The following DCAF5 variants were observed in gnomAD, a reference collection of about 807,000 sequenced individuals.
The protein encoded by DCAF5 is DDB1 and CUL4 associated factor 5.
A neutral mutation model predicts 80.7 loss-of-function variants in DCAF5; 9 were observed. That is an observed-to-expected ratio of 0.11 (90% CI 0.07 to 0.19). The LOEUF (loss-of-function observed/expected upper bound fraction) is 0.19. DCAF5 is among the 10% of genes least tolerant of loss of function. DCAF5 has a pLI of 1.00. For missense variants in DCAF5, 842 were observed against 1,205.7 expected, an observed-to-expected ratio of 0.70 and a Z score of 4.47; for synonymous variants, 433 against 461.9, an observed-to-expected ratio of 0.94 and a Z score of 0.80.
At position 69,051,928 on chromosome 14, in the gene DCAF5, G is replaced by C. The variant is rs2037775500; in HGVS notation, c.*1929C>G. On this transcript the variant is annotated 3_prime_UTR_variant, in exon 9 of 9. Transcript: ENST00000341516. Reference sequence around the variant, plus strand: ...TGGAAAAGCAAATGTAAAATGACTTGGGCTTATAAAACCAGCATTTACAAT... The same window carrying C: ...TGGAAAAGCAAATGTAAAATGACTTCGGCTTATAAAACCAGCATTTACAAT... 1.3e-5 allele frequency: 2 copies of C among 152,518 alleles called. No individual in the cohort carries two copies. The highest frequency in any genetic ancestry group is 6.8e-3 in the Middle Eastern group (2 of 294). The allele number at this position is 152,518 out of a possible 1,614,324, so 9.4% of individuals were successfully genotyped here. A position where few individuals can be genotyped will look rare whatever the true frequency, so the allele number is the denominator to read the frequency against.
chr14:69,126,959 GA>G (rs1220464630), intron 1 of DCAF5, among the ~76,000 whole-genome samples: 1 of 152,188 alleles, frequency 6.6e-6, no homozygotes, highest in Non-Finnish European at 1.5e-5. Flanking sequence ...ACTCCTAGAA[GA>G]TAGTAGGAGA....
At chr14:69,116,548 G>C in intron 4 of DCAF5, 53 bp from the exon 5 acceptor site, 1 of 1,587,336 alleles carries the variant, frequency 6.3e-7, no homozygotes, top group East Asian at 2.3e-5. Context: ...TGGGCCACTG[G>C]CAGGCAGATA....
intron 7 of DCAF5, among the ~76,000 whole-genome samples, chr14:69,064,810 T>G (rs1398200492): frequency 6.6e-6 from 1 of 152,186 alleles, no homozygotes; most frequent in Non-Finnish European, 1.5e-5. Context: ...ACCTAGAACC[T>G]GGGGTGCAAT....
At chr14:69,140,505 A>G (rs1405614966) in intron 1 of DCAF5, among the ~76,000 whole-genome samples, 8 of 152,174 alleles carry the variant, frequency 5.3e-5, no homozygotes, top group Non-Finnish European at 1.0e-4. Context: ...TGGTTTTAAT[A>G]TCAATATCAC....
At chr14:69,137,900 A>T (rs918664533) in intron 1 of DCAF5, among the ~76,000 whole-genome samples, 1 of 152,176 alleles carries the variant, frequency 6.6e-6, no homozygotes, top group African/African-American at 2.4e-5. Flanking sequence ...CTAACTTATA[A>T]ATTAAATTTT....
intron 7 of DCAF5, among the ~76,000 whole-genome samples, chr14:69,072,596 C>T (rs1375887230): frequency 7.3e-6 from 1 of 137,062 alleles, no homozygotes; most frequent in Non-Finnish European, 1.5e-5. Context: ...GCACTCTAGC[C>T]TGGGCAACAT....
In DCAF5 at chr14:69,075,330, G is replaced by C. The variant is rs542922608; in HGVS notation, c.946+15C>G. The C allele has an allele frequency of 6.2e-7, 1 of 1,600,978 alleles. No individual in the cohort carries two copies. The highest frequency in any genetic ancestry group is 1.3e-5 in the African/African-American group (1 of 74,728). ...GCCAGCAATAGCAGTACATTCATGT[G>C]AAGGATATACTTGCCTGCTTCTGGA... On this transcript the variant is annotated intron_variant, in intron 7 of 8. Transcript: ENST00000341516.
intron 6 of DCAF5, chr14:69,089,224 T>C (rs11158787): frequency 0.3 from 46,508 of 152,576 alleles, 9,454 homozygotes; most frequent in East Asian, 0.91. Flanking sequence ...CAAATTTTTA[T>C]TGTGTTCTCA....
chr14:69,084,273 C>A (rs1344367594), intron 6 of DCAF5: 9 of 974,410 alleles, frequency 9.2e-6, no homozygotes, highest in Admixed American at 3.4e-5. Flanking sequence ...CAGAAACTTG[C>A]TAATGGGATC....
In DCAF5 at chr14:69,118,445, A is replaced by C. The variant is rs899146268; in HGVS notation, c.396-167T>G. On this transcript the variant is annotated intron_variant, in intron 3 of 8. Transcript: ENST00000341516. This position sits in a 1 kb window ranked among gnomAD's most constrained non-coding sequence, Gnocchi z 4.0. ...CCTGAAAGGTAGGTAGTCAACTTTC[A>C]GGTTAAAAAAAAGGTACTATTAAGG... 6.6e-6 allele frequency among the ~76,000 whole-genome samples: 1 copy of C among 152,128 alleles called. No individual in the cohort carries two copies. Among genetic ancestry groups the C allele is most frequent in the African/African-American group, 2.4e-5 (1 of 41,390 alleles).
chr14:69,063,318 T>C (rs532792296), intron 7 of DCAF5, among the ~76,000 whole-genome samples: 14 of 152,348 alleles, frequency 9.2e-5, no homozygotes, highest in African/African-American at 3.1e-4. Context: ...ATTTATGAAC[T>C]TGGGATAAAT....
At chr14:69,057,780 A>G (rs2038032200) in intron 8 of DCAF5, among the ~76,000 whole-genome samples, 1 of 152,176 alleles carries the variant, frequency 6.6e-6, no homozygotes, top group Non-Finnish European at 1.5e-5. Flanking sequence ...TCCTCTAAAC[A>G]GTAAATTAGA....
intron 7 of DCAF5, among the ~76,000 whole-genome samples, chr14:69,068,698 CAA>C (rs201955188): frequency 3.2e-4 from 22 of 67,970 alleles, no homozygotes; most frequent in Admixed American, 6.8e-4. Flanking sequence ...AACTCCATCT[CAA>C]AAAAAAAAAA....
At chr14:69,083,491 A>T (rs1435660458) in intron 6 of DCAF5, 1 of 337,860 alleles carries the variant, frequency 3.0e-6, no homozygotes, top group Non-Finnish European at 5.8e-6. Context: ...GGGGGCCTCA[A>T]ATCTGACCCT....
intron 1 of DCAF5, among the ~76,000 whole-genome samples, chr14:69,146,311 GTTATT>G (rs2041535633): frequency 6.6e-6 from 1 of 152,158 alleles, no homozygotes; most frequent in Non-Finnish European, 1.5e-5. Flanking sequence ...ACCTCACTAG[GTTATT>G]TTAAAGTAGA....
At chr14:69,075,219 C>T in intron 7 of DCAF5, 126 bp downstream of exon 7, 1 of 586,926 alleles carries the variant, frequency 1.7e-6, no homozygotes, top group Non-Finnish European at 2.9e-6. Context: ...TTTAAATTTC[C>T]TTTGGTCACA....
At chr14:69,137,178 T>C (rs935213569) in intron 1 of DCAF5, among the ~76,000 whole-genome samples, 4 of 152,156 alleles carry the variant, frequency 2.6e-5, no homozygotes, top group Non-Finnish European at 4.4e-5. Flanking sequence ...TTTTCCATAG[T>C]AAAGTATGGA....
chr14:69,098,145 C>CTTT (rs1566751690), intron 5 of DCAF5, among the ~76,000 whole-genome samples: 1 of 151,548 alleles, frequency 6.6e-6, no homozygotes, highest in Non-Finnish European at 1.5e-5. Flanking sequence ...TCCTAGGACT[C>CTTT]TCTTACCTTA....
chr14:69,055,537 G>A lies in DCAF5; in HGVS notation c.1149C>T (p.Leu383=), dbSNP rs1274995409. 6.2e-7 allele frequency: 1 copy of A among 1,613,756 alleles called. No individual in the cohort carries two copies. Among genetic ancestry groups the A allele is most frequent in the Non-Finnish European group, 8.5e-7 (1 of 1,179,662 alleles). ...GGCTGATGTACTCTTCATGGGTATA[G>A]AGGCAGCGGGAATCGTCCTCAATCC... ...DGRIEDDSRC[L]YTHEEYISLV... is the part of the protein sequence containing the mutation. Residue 383 remains leucine, a synonymous_variant, in exon 9 of 9, where the codon CTC becomes CTT. Transcript: ENST00000341516. This position sits in a 1 kb window ranked among gnomAD's most constrained non-coding sequence, Gnocchi z 5.6.
Sources: gnomAD v4.1 joint callset for allele counts (sites outside exome capture counted in the v4.1 genomes callset) on GRCh38, gnomAD v4.1.1 for gene constraint, Gnocchi (gnomAD v3.1) non-coding constraint, MANE v1.5 for transcripts, NCBI Gene and HGNC (gene_info 2026-07-23, HGNC 2026-07-21) for gene names.